Variants in TPRG1 observed in about 807,000 individuals in gnomAD.
TPRG1 encodes the protein tumor protein p63-regulated gene 1 protein.
In TPRG1, 29 loss-of-function variants were observed where a neutral mutation model predicts 29.3. The observed-to-expected ratio is 0.99, with a 90% CI of 0.74 to 1.35. The LOEUF (loss-of-function observed/expected upper bound fraction) is 1.35. Ranked by LOEUF, TPRG1 falls within the 40% of genes most tolerant of loss-of-function variation. The probability of loss-of-function intolerance (pLI) is 0.00; values close to 1 mark genes in which losing one functional copy is unlikely to be tolerated. For synonymous variants in TPRG1, 130 were observed against 116.8 expected (o/e 1.11, Z -0.73); for missense variants, 327 against 335.0 (o/e 0.98, Z 0.19).
chr3:189,042,857 A>G (rs923707239), intron 4 of TPRG1, among the ~76,000 whole-genome samples: 3 of 152,160 alleles, frequency 2.0e-5, no homozygotes, highest in African/African-American at 7.2e-5. Context: ...AGGAAGAGCT[A>G]CAAGCAGGAG....
intron 4 of TPRG1, among the ~76,000 whole-genome samples, chr3:189,283,520 T>C (rs1717506987): frequency 6.6e-6 from 1 of 152,230 alleles, no homozygotes; most frequent in African/African-American, 2.4e-5. Flanking sequence ...TAAATGTGTT[T>C]TAAAAGAGAG....
chr3:189,041,390 T>G (rs1420091306), intron 4 of TPRG1, among the ~76,000 whole-genome samples: 1 of 152,256 alleles, frequency 6.6e-6, no homozygotes, highest in Admixed American at 6.5e-5. Context: ...TCAGAGAGTC[T>G]CGGATTCAAA....
chr3:189,218,935 G>A (rs555916272), intron 3 of TPRG1, among the ~76,000 whole-genome samples: 2 of 152,264 alleles, frequency 1.3e-5, no homozygotes, highest in East Asian at 1.9e-4. Flanking sequence ...AAGAGACTAA[G>A]GGCCTTTGCA....
chr3:189,121,947 CAGTGTTTTTAT>C (rs2108506757), intron 1 of TPRG1: 1 of 151,602 alleles, frequency 6.6e-6, no homozygotes, highest in Admixed American at 6.6e-5. Flanking sequence ...TGAGAGAAAG[CAGTGTTTTTAT>C]ATGTCTAATT....
intron 4 of TPRG1, among the ~76,000 whole-genome samples, chr3:189,268,353 G>A (rs955714905): frequency 1.3e-4 from 20 of 152,138 alleles, no homozygotes; most frequent in African/African-American, 4.8e-4. Flanking sequence ...AATCTCCGTG[G>A]GGAGGCGTTC....
intron 4 of TPRG1, among the ~76,000 whole-genome samples, chr3:189,265,702 C>A (rs754798940): frequency 6.6e-6 from 1 of 152,170 alleles, no homozygotes; most frequent in Non-Finnish European, 1.5e-5. Flanking sequence ...GCACTTTCCT[C>A]CATTCCTTCC....
At chr3:189,045,775 G>A (rs535821816) in intron 4 of TPRG1, among the ~76,000 whole-genome samples, 2 of 152,322 alleles carry the variant, frequency 1.3e-5, no homozygotes, top group East Asian at 1.9e-4. Flanking sequence ...TTAGATCACA[G>A]CAACAAGGCC....
Position 189,215,356 on chromosome 3 carries a change from CCATT to C in TPRG1, c.278_281del (p.Ile93LysfsTer6). On this transcript the variant is annotated frameshift_variant, in exon 3 of 6. Transcript: ENST00000345063. LOFTEE classifies it high-confidence loss of function. ...CACGTAGCTGAGACTTCTGGAGAGA[CCATT>C]CAAGGCTTCTGGCTCTTGACAAAGT... is the stretch of plus-strand genomic sequence containing the variant. 6.2e-7 allele frequency: 1 copy of C among 1,611,938 alleles called. No individual in the cohort carries two copies. The highest frequency in any genetic ancestry group is 8.5e-7 in the Non-Finnish European group (1 of 1,179,108).
rs902029870 is a variant in TPRG1 at position 189,022,912 on chromosome 3, C to T, written c.-659-838C>T. On this transcript the variant is annotated intron_variant, in intron 3 of 10. Transcript: ENST00000433971. ...GGGGTAGGACCCTCCGAGCCAGGTG[C>T]CGGATATAATCTCATGGTGCGCAGT... 1.1e-4 allele frequency among the ~76,000 whole-genome samples: 17 copies of T among 152,330 alleles called. No individual in the cohort carries two copies. In the South Asian group the frequency reaches 2.5e-3, roughly 22 times the overall value.
chr3:189,253,801 C>T (rs1292340037), intron 4 of TPRG1, among the ~76,000 whole-genome samples: 2 of 152,138 alleles, frequency 1.3e-5, no homozygotes, highest in African/African-American at 2.4e-5. Context: ...TTCTAACTGG[C>T]ATGAGATGGT....
chr3:189,198,069 C>T (rs964846338), intron 1 of TPRG1, among the ~76,000 whole-genome samples: 1 of 152,144 alleles, frequency 6.6e-6, no homozygotes, highest in Non-Finnish European at 1.5e-5. Context: ...ATTCTCCTCC[C>T]ATTGCAAAAT....
intron 1 of TPRG1, among the ~76,000 whole-genome samples, chr3:189,102,815 G>A (rs942128413): frequency 2.0e-5 from 3 of 151,872 alleles, no homozygotes; most frequent in African/African-American, 7.3e-5. Context: ...AATATTTCTT[G>A]CCATTTTTCC....
rs1435697537 is a variant in TPRG1, at chr3:189,160,596, CCTCCCCAACCCAA to C, written c.-10+9737_-10+9749del. Reference sequence around the variant, plus strand: ...AAGAGGGATAGCGTTTCTCTCTCATCCTCCCCAACCCAACTCCCCAACCCAGGGAGACGGGGAC... The same window carrying C: ...AAGAGGGATAGCGTTTCTCTCTCATCCTCCCCAACCCAGGGAGACGGGGAC... On this transcript the variant is annotated intron_variant, in intron 5 of 6. Transcript: ENST00000412373. 3.3e-5 allele frequency among the ~76,000 whole-genome samples: 5 copies of C among 152,292 alleles called. No homozygotes were observed. The South Asian group carries it at 6.2e-4, about 19-fold the overall frequency.
chr3:189,194,951 G>A (rs561176041), intron 1 of TPRG1, among the ~76,000 whole-genome samples: 1 of 152,264 alleles, frequency 6.6e-6, no homozygotes, highest in South Asian at 2.1e-4. Flanking sequence ...TAGGGGGCTA[G>A]TCCAGCTCCA....
intron 1 of TPRG1, chr3:189,120,131 A>G (rs1334909879): frequency 6.6e-6 from 1 of 152,248 alleles, no homozygotes; most frequent in Non-Finnish European, 1.5e-5. Context: ...GGCAGTGGCA[A>G]TGACCACTAT....
intron 1 of TPRG1, among the ~76,000 whole-genome samples, chr3:189,124,391 C>G (rs966722223): frequency 6.6e-6 from 1 of 152,170 alleles, no homozygotes; most frequent in African/African-American, 2.4e-5. Flanking sequence ...TCAAACTGTA[C>G]TGTGACAACC....
At chr3:189,127,541 C>T (rs965131154) in intron 2 of TPRG1, among the ~76,000 whole-genome samples, 4 of 152,062 alleles carry the variant, frequency 2.6e-5, no homozygotes, top group Non-Finnish European at 5.9e-5. Context: ...TTGGAGATAC[C>T]GTAGGGCATC....
At chr3:189,074,291 T>C (rs988986572) in intron 4 of TPRG1, among the ~76,000 whole-genome samples, 2 of 148,598 alleles carry the variant, frequency 1.3e-5, no homozygotes, top group South Asian at 2.2e-4. Flanking sequence ...TTGCAAGCTC[T>C]GCCTCCAGGT....
At chr3:189,320,591 T>G in intron 5 of TPRG1, 35 bp from the exon 6 acceptor site, 1 of 1,556,818 alleles carries the variant, frequency 6.4e-7, no homozygotes, top group Non-Finnish European at 8.7e-7. Context: ...TAATCTACAG[T>G]AACTAACTTT....
Sources: gnomAD v4.1 joint callset for allele counts (sites outside exome capture counted in the v4.1 genomes callset) on GRCh38, gnomAD v4.1.1 for gene constraint, MANE v1.5 for transcripts, NCBI Gene and HGNC (gene_info 2026-07-23, HGNC 2026-07-21) for gene names.